PRELID2: variants seen among roughly 807,000 people sequenced by gnomAD.
The protein encoded by PRELID2 is PRELI domain-containing protein 2.
In PRELID2, 25 loss-of-function variants were observed where a neutral mutation model predicts 28.4. The observed-to-expected ratio is 0.88, with a 90% CI of 0.64 to 1.23. The LOEUF (loss-of-function observed/expected upper bound fraction) is 1.23, where lower values mean the gene tolerates loss of function less well. PRELID2 is among the 50% of genes most tolerant of loss of function. The pLI, the probability that PRELID2 is intolerant of heterozygous loss-of-function variation, is 0.00. For synonymous variants in PRELID2, 76 were observed against 71.6 expected (o/e 1.06, Z -0.31); for missense variants, 201 against 214.4 (o/e 0.94, Z 0.39).
intron 1 of PRELID2, among the ~76,000 whole-genome samples, chr5:145,558,316 G>A (rs1371336299): frequency 6.6e-6 from 1 of 152,208 alleles, no homozygotes; most frequent in Admixed American, 6.5e-5. Flanking sequence ...GTTGAAGGGG[G>A]AATATGAAAC....
intron 1 of PRELID2, among the ~76,000 whole-genome samples, chr5:145,579,217 T>A (rs997973891): frequency 2.6e-5 from 4 of 152,072 alleles, no homozygotes; most frequent in African/African-American, 9.7e-5. Flanking sequence ...GTATATAACA[T>A]GATTATTATG....
At chr5:145,360,221 T>C in the PRELID2 span, among the ~76,000 whole-genome samples, 1 of 151,884 alleles carries the variant, frequency 6.6e-6, no homozygotes, top group Non-Finnish European at 1.5e-5. Context: ...CAAGGGTACT[T>C]TGGATTCAAG....
chr5:145,315,724 T>C, the PRELID2 span, among the ~76,000 whole-genome samples: 2 of 151,926 alleles, frequency 1.3e-5, no homozygotes, highest in Non-Finnish European at 2.9e-5. Context: ...AATAGTAAAG[T>C]ATGGCACATC....
rs1435783750 is a variant in PRELID2, at chr5:145,823,161, T to G, written c.76-27A>C. 14 of 1,114,812 alleles carry G rather than the reference T, an allele frequency of 1.3e-5. No homozygotes were observed. The Admixed American group carries it at 2.4e-4, about 19-fold the overall frequency. 69.1% of individuals were successfully genotyped at this position (1,114,812 alleles called of 1,614,324 possible). ...TAAACAAAAATATATAAAAAAGAAT[T>G]ACCATTAATCTTCTACCAAGGTGAA... On this transcript the variant is annotated intron_variant, in intron 1 of 6. Coordinates refer to ENST00000683046, the MANE Select transcript of PRELID2 (RefSeq NM_205846.3).
the PRELID2 span, among the ~76,000 whole-genome samples, chr5:145,316,838 C>T: frequency 6.6e-6 from 1 of 152,200 alleles, no homozygotes; most frequent in Admixed American, 6.5e-5. Flanking sequence ...GTTTGGTCCT[C>T]TTTGCTAACA....
At chr5:145,294,412 A>G in the PRELID2 span, among the ~76,000 whole-genome samples, 1 of 139,518 alleles carries the variant, frequency 7.2e-6, no homozygotes, top group Non-Finnish European at 1.6e-5. Context: ...TATAGGGAAT[A>G]AAATCAAATG....
chr5:145,621,759 C>T (rs754395448), intron 1 of PRELID2, among the ~76,000 whole-genome samples: 2 of 152,100 alleles, frequency 1.3e-5, no homozygotes, highest in Admixed American at 6.5e-5. Context: ...GGAGGAATAA[C>T]TTCTAGTATT....
chr5:145,422,202 A>G, the PRELID2 span, among the ~76,000 whole-genome samples: 11 of 148,866 alleles, frequency 7.4e-5, no homozygotes, highest in East Asian at 5.9e-4. Context: ...AAAAAAATGT[A>G]TATTCTGTTG....
intron 5 of PRELID2, among the ~76,000 whole-genome samples, chr5:145,765,738 C>A (rs943775145): frequency 6.6e-6 from 1 of 152,156 alleles, no homozygotes; most frequent in Non-Finnish European, 1.5e-5. Flanking sequence ...GTGCGCACTA[C>A]AATACCGCCT....
At chr5:145,294,538 T>C in the PRELID2 span, among the ~76,000 whole-genome samples, 1 of 152,202 alleles carries the variant, frequency 6.6e-6, no homozygotes, top group Non-Finnish European at 1.5e-5. Flanking sequence ...TACATCACTT[T>C]GACAATTTCA....
chr5:145,600,434 A>AAAATATATATATAT (rs1315631607), intron 1 of PRELID2, among the ~76,000 whole-genome samples: 1 of 120,116 alleles, frequency 8.3e-6, no homozygotes, highest in African/African-American at 4.1e-5. Flanking sequence ...AAAAAAAAAA[A>AAAATATATATATAT]ATATATATAT....
the PRELID2 span, among the ~76,000 whole-genome samples, chr5:145,396,344 T>C: frequency 3.3e-5 from 5 of 152,118 alleles, no homozygotes; most frequent in Non-Finnish European, 5.9e-5. Context: ...AATATTTTGA[T>C]GTTTTATTAT....
intron 1 of PRELID2, among the ~76,000 whole-genome samples, chr5:145,660,504 A>T (rs944209069): frequency 2.6e-5 from 4 of 152,276 alleles, no homozygotes; most frequent in Middle Eastern, 3.4e-3. Context: ...TCTATTACTG[A>T]CAGGGAAGAC....
chr5:145,662,435 A>T (rs1222170880), intron 1 of PRELID2, among the ~76,000 whole-genome samples: 2 of 152,114 alleles, frequency 1.3e-5, no homozygotes, highest in African/African-American at 4.8e-5. Context: ...GCTGGATTAC[A>T]GTGTAGGGAG....
chr5:145,723,494 C>T (rs1221344639), intron 1 of PRELID2, among the ~76,000 whole-genome samples: 2 of 152,220 alleles, frequency 1.3e-5, no homozygotes, highest in East Asian at 3.9e-4. Flanking sequence ...TATTTAACAA[C>T]TTAAAAGGGG....
the PRELID2 span, among the ~76,000 whole-genome samples, chr5:145,429,319 G>A: frequency 6.6e-6 from 1 of 152,196 alleles, no homozygotes; most frequent in Non-Finnish European, 1.5e-5. Context: ...CATGGGGTAT[G>A]AGAGAAAGAA....
chr5:145,605,756 T>C (rs1753495311), intron 1 of PRELID2, among the ~76,000 whole-genome samples: 1 of 151,996 alleles, frequency 6.6e-6, no homozygotes, highest in Non-Finnish European at 1.5e-5. Context: ...ATACATATAA[T>C]TTATATATAT....
the PRELID2 span, among the ~76,000 whole-genome samples, chr5:145,343,134 A>C: frequency 6.6e-6 from 1 of 152,088 alleles, no homozygotes; most frequent in Non-Finnish European, 1.5e-5. Flanking sequence ...AAATTAACAA[A>C]GAAACATTGG....
the PRELID2 span, among the ~76,000 whole-genome samples, chr5:145,370,453 A>T: frequency 6.6e-6 from 1 of 151,796 alleles, no homozygotes; most frequent in Non-Finnish European, 1.5e-5. Context: ...AATATTTCTG[A>T]GGTCTCTGTT....
Sources: gnomAD v4.1 joint callset for allele counts (sites outside exome capture counted in the v4.1 genomes callset) on GRCh38, gnomAD v4.1.1 for gene constraint, MANE v1.5 for transcripts, NCBI Gene and HGNC (gene_info 2026-07-23, HGNC 2026-07-21) for gene names.